ZNF215: variants seen among roughly 807,000 people sequenced by gnomAD.
The protein encoded by ZNF215 is BWSCR2-associated zinc finger protein 2.
Under a neutral mutation model 27.2 loss-of-function variants are expected in ZNF215, and 24 were observed. The observed-to-expected ratio is 0.88, with a 90% CI of 0.64 to 1.24. The LOEUF (loss-of-function observed/expected upper bound fraction) is 1.24. ZNF215 is among the 50% of genes most tolerant of loss of function. The pLI is 0.00. For missense variants in ZNF215, 675 were observed against 605.7 expected, an observed-to-expected ratio of 1.11 and a Z score of -1.20; for synonymous variants, 210 against 204.0, an observed-to-expected ratio of 1.03 and a Z score of -0.25.
At chr11:6,950,168 A>G (rs1849996758) in intron 6 of ZNF215, among the ~76,000 whole-genome samples, 1 of 149,656 alleles carries the variant, frequency 6.7e-6, no homozygotes, top group South Asian at 2.1e-4. Flanking sequence ...AGGTAGCGTG[A>G]TGCCTCCAGC....
downstream of ZNF215, among the ~76,000 whole-genome samples, chr11:6,959,267 CA>C (rs1157563019): frequency 2.6e-5 from 4 of 152,258 alleles, no homozygotes; most frequent in Non-Finnish European, 5.9e-5. Context: ...GTTCAGGAAA[CA>C]TAAGTTCATC....
In ZNF215 at chr11:6,955,937, T is replaced by C; in HGVS notation, c.960T>C (p.Ala320=). 6.2e-7 allele frequency: 1 copy of C among 1,612,750 alleles called. No individual in the cohort carries two copies. Among genetic ancestry groups the C allele is most frequent in the Non-Finnish European group, 8.5e-7 (1 of 1,179,662 alleles). Reference sequence around the variant, plus strand: ...TTAATTCAGTTAGCTCAATTTGTGCTATACAAGTGGGAATTCCTTCAAGAA... The same window carrying C: ...TTAATTCAGTTAGCTCAATTTGTGCCATACAAGTGGGAATTCCTTCAAGAA... The part of the protein sequence containing the change: ...FDINSVSSIC[A]IQVGIPSRKG... Residue 320 remains alanine (A), a synonymous_variant, in exon 7 of 7, where the codon GCT becomes GCC. Transcript: ENST00000278319.
chr11:6,943,293 G>A, intron 5 of ZNF215, 78 bp downstream of exon 5: 1 of 1,528,878 alleles, frequency 6.5e-7, no homozygotes, highest in Non-Finnish European at 8.8e-7. Flanking sequence ...CTGCTGAAGT[G>A]GCTAAGTTCA....
chr11:6,990,522 G>A (rs115592315), downstream of ZNF215, among the ~76,000 whole-genome samples: 716 of 152,308 alleles, frequency 4.7e-3, 4 homozygotes, highest in African/African-American at 0.014. Context: ...GATAGGTACT[G>A]GATAGGTGAG....
chr11:6,932,565 C>T lies in ZNF215; in HGVS notation c.293C>T (p.Ala98Val). The change falls in exon 3 of 7, where the codon GCA becomes GTA. Residue 98 changes from alanine to valine, a missense_variant. Physicochemically the swap from Ala to Val is moderately conservative, Grantham distance 64. Transcript: ENST00000278319. ...IELLVLEQFL[A>V]ILPEEVRTWV... ...CTGTTGGTGCTGGAACAATTCCTGG[C>T]AATCCTGCCTGAAGAAGTCAGGACT... is the stretch of plus-strand genomic sequence containing the variant. 6.2e-7 allele frequency: 1 copy of T among 1,614,158 alleles called. No individual in the cohort carries two copies.
At chr11:6,951,308 G>A (rs1377509113) in intron 6 of ZNF215, among the ~76,000 whole-genome samples, 1 of 152,026 alleles carries the variant, frequency 6.6e-6, no homozygotes, top group Non-Finnish European at 1.5e-5. Flanking sequence ...AGAAGGAATG[G>A]TACCAGTTCC....
At chr11:6,933,931 A>G (rs1200691854) in intron 3 of ZNF215, among the ~76,000 whole-genome samples, 1 of 152,168 alleles carries the variant, frequency 6.6e-6, no homozygotes, top group Non-Finnish European at 1.5e-5. Flanking sequence ...CCAGTTTTTA[A>G]GGGAATAGGG....
At chr11:6,949,338 T>C (rs1240473002) in intron 6 of ZNF215, among the ~76,000 whole-genome samples, 1 of 152,194 alleles carries the variant, frequency 6.6e-6, no homozygotes, top group Non-Finnish European at 1.5e-5. Flanking sequence ...ACTTCCACAA[T>C]GGTTGAACTA....
chr11:6,979,162 T>C (rs1327494582), intron 5 of ZNF215, among the ~76,000 whole-genome samples: 1 of 152,078 alleles, frequency 6.6e-6, no homozygotes, highest in African/African-American at 2.4e-5. Flanking sequence ...TTATTGTCTC[T>C]CACCCCCAGT....
intron 5 of ZNF215, among the ~76,000 whole-genome samples, chr11:6,978,664 A>G (rs1205799741): frequency 6.6e-6 from 1 of 151,908 alleles, no homozygotes; most frequent in African/African-American, 2.4e-5. Flanking sequence ...CACAGCTGTT[A>G]TTCCAGTGCT....
At chr11:6,989,150 CAAAAAAAAA>C (rs71056776), downstream of ZNF215, among the ~76,000 whole-genome samples, 4 of 76,782 alleles carry the variant, frequency 5.2e-5, no homozygotes, top group Non-Finnish European at 4.9e-5. Context: ...AGATCCGTCT[CAAAAAAAAA>C]AAAAAAAAAA....
chr11:6,932,258 G>A lies in ZNF215; in HGVS notation c.-15G>A, dbSNP rs2048429952. 1.9e-6 allele frequency: 3 copies of A among 1,609,280 alleles called. No individual in the cohort carries two copies. The highest frequency in any genetic ancestry group is 2.7e-5 in the African/African-American group (2 of 74,634). ...AAGGCGGATTTGAACTACTGTGGGA[G>A]TTCTATTTAGGAAGATGCAGCCTCT... On this transcript the variant is annotated 5_prime_UTR_variant, in exon 3 of 7. Transcript: ENST00000278319.
rs1225959250 is a variant in ZNF215 at position 6,943,226 on chromosome 11, T to C, written c.616+11T>C. 3 of 1,605,698 alleles carry C rather than the reference T, an allele frequency of 1.9e-6. No homozygotes were observed. The highest frequency in any genetic ancestry group is 4.5e-5 in the East Asian group (2 of 44,836). On this transcript the variant is annotated intron_variant, in intron 5 of 6. Transcript: ENST00000278319. ...ATTCATTGCGTAAAGGTGGTTTCTA[T>C]ATGTTTACCTAATCTGTCCATTTAG...
chr11:6,943,260 T>C (rs781756827), intron 5 of ZNF215, 45 bp downstream of exon 5: 2 of 1,574,086 alleles, frequency 1.3e-6, no homozygotes, highest in Non-Finnish European at 1.7e-6. Context: ...AGTAATCTCT[T>C]CCTACCGTTA....
chr11:6,958,457 A>C (rs1465169175), downstream of ZNF215, among the ~76,000 whole-genome samples: 1 of 152,354 alleles, frequency 6.6e-6, no homozygotes, highest in East Asian at 1.9e-4. Context: ...AGTTTAACAT[A>C]ACATAGTTTC....
intron 2 of ZNF215, among the ~76,000 whole-genome samples, chr11:6,930,186 G>T (rs1005416094): frequency 5.3e-5 from 8 of 151,214 alleles, no homozygotes; most frequent in African/African-American, 1.7e-4. Flanking sequence ...CTCAGTCCTA[G>T]AATCAACCAT....
intron 5 of ZNF215, among the ~76,000 whole-genome samples, chr11:6,964,196 C>T (rs1323370278): frequency 6.6e-6 from 1 of 151,858 alleles, no homozygotes; most frequent in Non-Finnish European, 1.5e-5. Flanking sequence ...AGATGGAAGT[C>T]ATTATTGGAT....
chr11:6,939,098 T>C (rs914685171), intron 3 of ZNF215, among the ~76,000 whole-genome samples: 1 of 152,212 alleles, frequency 6.6e-6, no homozygotes, highest in Admixed American at 6.5e-5. Context: ...ATTTATCCAA[T>C]TTTATACTCA....
chr11:6,935,013 C>T (rs368172840), intron 3 of ZNF215, among the ~76,000 whole-genome samples: 2 of 152,176 alleles, frequency 1.3e-5, no homozygotes, highest in African/African-American at 4.8e-5. Context: ...GAAAAACCTG[C>T]TCATAGGGCT....
Sources: gnomAD v4.1 joint callset for allele counts (sites outside exome capture counted in the v4.1 genomes callset) on GRCh38, gnomAD v4.1.1 for gene constraint, MANE v1.5 for transcripts, NCBI Gene and HGNC (gene_info 2026-07-23, HGNC 2026-07-21) for gene names.